The following PTPRT variants were observed in gnomAD, a reference collection of about 807,000 sequenced individuals.
The protein encoded by PTPRT is protein tyrosine phosphatase receptor type T.
Under a neutral mutation model 176.8 loss-of-function variants are expected in PTPRT, and 56 were observed. That is an observed-to-expected ratio of 0.32 (90% confidence interval 0.26 to 0.40). The LOEUF (loss-of-function observed/expected upper bound fraction) is 0.40. Ranked by LOEUF, PTPRT falls within the 10% of genes least tolerant of loss-of-function variation. The probability of loss-of-function intolerance (pLI) is 1.00; values close to 1 mark genes in which losing one functional copy is unlikely to be tolerated. For synonymous variants in PTPRT, 783 were observed against 739.0 expected, an observed-to-expected ratio of 1.06 and a Z score of -0.96; for missense variants, 1,540 against 1,908.2, an observed-to-expected ratio of 0.81 and a Z score of 3.60.
intron 3 of PTPRT, among the ~76,000 whole-genome samples, chr20:42,784,292 C>A (rs145881906): frequency 6.6e-6 from 1 of 152,276 alleles, no homozygotes; most frequent in East Asian, 1.9e-4. Flanking sequence ...TTAACCTAAT[C>A]TTTTATAGTT....
At chr20:42,218,833 A>AC (rs1186367651) in intron 15 of PTPRT, among the ~76,000 whole-genome samples, 3 of 152,200 alleles carry the variant, frequency 2.0e-5, no homozygotes, top group African/African-American at 7.2e-5. Flanking sequence ...TGCAAAAGAA[A>AC]CATCTGATGA....
intron 13 of PTPRT, chr20:42,270,379 C>CCGGGGGGG: frequency 1.3e-6 from 2 of 1,541,618 alleles, no homozygotes; most frequent in Non-Finnish European, 1.8e-6. Flanking sequence ...CCCACCCGCC[C>CCGGGGGGG]AGGGCTCTGG....
chr20:42,585,036 A>G (rs6065517), intron 7 of PTPRT, among the ~76,000 whole-genome samples: 22,045 of 152,198 alleles, frequency 0.14, 2,021 homozygotes, highest in Non-Finnish European at 0.2. Flanking sequence ...ATCATCACCA[A>G]TATAGGATAA....
chr20:42,067,528 C>T, the PTPRT span, among the ~76,000 whole-genome samples: 1 of 152,160 alleles, frequency 6.6e-6, no homozygotes, highest in Non-Finnish European at 1.5e-5. Context: ...TATGCTAGGG[C>T]TCTCAGTGGG....
At chr20:42,801,780 C>T (rs1180924955) in intron 2 of PTPRT, among the ~76,000 whole-genome samples, 1 of 152,142 alleles carries the variant, frequency 6.6e-6, no homozygotes, top group East Asian at 1.9e-4. Flanking sequence ...GAAAAGGGAA[C>T]AGAAAGAATG....
intron 1 of PTPRT, among the ~76,000 whole-genome samples, chr20:43,152,583 C>T (rs1449870991): frequency 6.6e-6 from 1 of 152,176 alleles, no homozygotes; most frequent in East Asian, 1.9e-4. Flanking sequence ...ATAGTAGCTA[C>T]CTAATAAACA....
intron 1 of PTPRT, among the ~76,000 whole-genome samples, chr20:42,980,072 C>A (rs35016171): frequency 6.6e-6 from 1 of 151,790 alleles, no homozygotes. Context: ...AACTGCAAAA[C>A]GTGGTGTGGT....
chr20:42,670,248 G>A (rs956593006), intron 7 of PTPRT, among the ~76,000 whole-genome samples: 3 of 152,096 alleles, frequency 2.0e-5, no homozygotes, highest in African/African-American at 7.2e-5. Context: ...TAAGTTCCCG[G>A]TTCTCTGCAA....
At chr20:42,565,972 C>A (rs918013498) in intron 7 of PTPRT, among the ~76,000 whole-genome samples, 4 of 152,124 alleles carry the variant, frequency 2.6e-5, no homozygotes, top group African/African-American at 9.7e-5. Flanking sequence ...TTCACTCTCA[C>A]CTTCCATCAC....
chr20:42,495,504 G>A (rs1212002553), intron 7 of PTPRT, among the ~76,000 whole-genome samples: 1 of 152,094 alleles, frequency 6.6e-6, no homozygotes, highest in East Asian at 1.9e-4. Flanking sequence ...GAATTAACAA[G>A]GAGAAGAAGA....
intron 16 of PTPRT, among the ~76,000 whole-genome samples, chr20:42,191,558 T>C (rs1991005147): frequency 6.6e-6 from 1 of 152,002 alleles, no homozygotes; most frequent in Non-Finnish European, 1.5e-5. Flanking sequence ...AAACAGAAAT[T>C]TATTCCGAGG....
chr20:42,606,299 G>A (rs1478568253), intron 7 of PTPRT, among the ~76,000 whole-genome samples: 1 of 152,184 alleles, frequency 6.6e-6, no homozygotes, highest in East Asian at 1.9e-4. Context: ...GGCTGATGTG[G>A]TAGGGCCAGC....
chr20:42,712,028 T>C (rs1273176901), intron 6 of PTPRT, among the ~76,000 whole-genome samples: 1 of 152,064 alleles, frequency 6.6e-6, no homozygotes, highest in African/African-American at 2.4e-5. Context: ...GAAGCAGGGA[T>C]GTCACAAGAA....
chr20:42,104,275 C>G (rs1297063779), intron 25 of PTPRT, among the ~76,000 whole-genome samples: 2 of 152,104 alleles, frequency 1.3e-5, no homozygotes, highest in Non-Finnish European at 2.9e-5. Flanking sequence ...TGAAGACCAT[C>G]CTGGGCAACA....
At chr20:43,164,455 C>A (rs561809083) in intron 1 of PTPRT, among the ~76,000 whole-genome samples, 3 of 151,992 alleles carry the variant, frequency 2.0e-5, no homozygotes, top group Admixed American at 1.3e-4. Flanking sequence ...ATTAACACAC[C>A]CAAGCTTATG....
At chr20:43,083,355 T>TAC (rs2011513097) in intron 1 of PTPRT, among the ~76,000 whole-genome samples, 1 of 127,290 alleles carries the variant, frequency 7.9e-6, no homozygotes, top group African/African-American at 3.1e-5. Flanking sequence ...TATATATATA[T>TAC]ATATATATAT....
intron 2 of PTPRT, among the ~76,000 whole-genome samples, chr20:42,811,811 CTTATG>C (rs2077702104): frequency 6.6e-6 from 1 of 152,122 alleles, no homozygotes; most frequent in Non-Finnish European, 1.5e-5. Context: ...ATCATCAATC[CTTATG>C]TTATGAGGTC....
intron 16 of PTPRT, among the ~76,000 whole-genome samples, chr20:42,182,594 T>G (rs1399434631): frequency 6.6e-6 from 1 of 152,144 alleles, no homozygotes; most frequent in Non-Finnish European, 1.5e-5. Flanking sequence ...GGGAATTTCA[T>G]CTAACCTAGA....
intron 9 of PTPRT, among the ~76,000 whole-genome samples, chr20:42,430,460 G>T (rs2059205975): frequency 1.3e-5 from 2 of 152,276 alleles, no homozygotes; most frequent in South Asian, 2.1e-4. Flanking sequence ...AGCTCCCAGG[G>T]GATGCTGATA....
Sources: gnomAD v4.1 joint callset for allele counts (sites outside exome capture counted in the v4.1 genomes callset) on GRCh38, gnomAD v4.1.1 for gene constraint, MANE v1.5 for transcripts, NCBI Gene and HGNC (gene_info 2026-07-23, HGNC 2026-07-21) for gene names.